RNF180: variants seen among roughly 807,000 people sequenced by gnomAD.
RNF180 encodes E3 ubiquitin-protein ligase RNF180.
In RNF180, 38 loss-of-function variants were observed where a neutral mutation model predicts 59.2. That is an observed-to-expected ratio of 0.64 (90% CI 0.50 to 0.84). RNF180 has a LOEUF of 0.84. Ranked by LOEUF, RNF180 falls within the 40% of genes least tolerant of loss-of-function variation. The probability of loss-of-function intolerance (pLI) is 0.00; values close to 1 mark genes in which losing one functional copy is unlikely to be tolerated. For missense variants in RNF180, 705 were observed against 700.9 expected (o/e 1.01, Z -0.07); for synonymous variants, 262 against 240.3 (o/e 1.09, Z -0.84).
intron 5 of RNF180, among the ~76,000 whole-genome samples, chr5:64,293,667 C>T (rs987394870): frequency 5.9e-5 from 9 of 151,590 alleles, no homozygotes; most frequent in South Asian, 2.1e-4. Flanking sequence ...TTAAAATATT[C>T]GCAATGTATT....
chr5:64,306,948 C>T (rs1743498832), intron 5 of RNF180, among the ~76,000 whole-genome samples: 1 of 148,904 alleles, frequency 6.7e-6, no homozygotes, highest in Admixed American at 6.7e-5. Context: ...ATGTTGTGCA[C>T]ATGTACCCTA....
At chr5:64,175,879 G>T (rs1179713496) in intron 1 of RNF180, among the ~76,000 whole-genome samples, 1 of 152,112 alleles carries the variant, frequency 6.6e-6, no homozygotes, top group East Asian at 1.9e-4. Flanking sequence ...AAATGAGATT[G>T]CATTCTTGGT....
chr5:64,200,350 G>A (rs1177668710), intron 1 of RNF180, among the ~76,000 whole-genome samples: 3 of 152,170 alleles, frequency 2.0e-5, no homozygotes, highest in Admixed American at 1.3e-4. Flanking sequence ...TGGTACTCAG[G>A]AGACTGAGGC....
At chr5:64,333,271 G>A (rs972459014) in intron 7 of RNF180, among the ~76,000 whole-genome samples, 1 of 152,118 alleles carries the variant, frequency 6.6e-6, no homozygotes, top group African/African-American at 2.4e-5. Context: ...TCTGCCTCCT[G>A]GGTTCAAGCA....
At chr5:64,356,228 C>T (rs2112594064) in intron 7 of RNF180, among the ~76,000 whole-genome samples, 1 of 151,552 alleles carries the variant, frequency 6.6e-6, no homozygotes, top group Middle Eastern at 3.4e-3. Flanking sequence ...TGCCACTGCA[C>T]TACAGCCTGG....
chr5:64,199,071 G>C (rs184791161), intron 1 of RNF180, among the ~76,000 whole-genome samples: 1 of 152,182 alleles, frequency 6.6e-6, no homozygotes, highest in South Asian at 2.1e-4. Context: ...ACCCGCCTTG[G>C]CCTCCCAGAG....
intron 5 of RNF180, among the ~76,000 whole-genome samples, chr5:64,316,033 T>G (rs1744025713): frequency 6.6e-6 from 1 of 152,144 alleles, no homozygotes; most frequent in Non-Finnish European, 1.5e-5. Flanking sequence ...TCAGTACAAT[T>G]GCCAACACAG....
intron 1 of RNF180, among the ~76,000 whole-genome samples, chr5:64,192,940 A>ATATATATATATAT (rs1561179048): frequency 3.9e-4 from 27 of 69,992 alleles, no homozygotes; most frequent in African/African-American, 1.4e-3. Context: ...TATATATATA[A>ATATATATATATAT]AATGAAACAT....
intron 1 of RNF180, among the ~76,000 whole-genome samples, chr5:64,182,438 A>G (rs1226434660): frequency 2.0e-5 from 3 of 152,210 alleles, no homozygotes; most frequent in Non-Finnish European, 4.4e-5. Context: ...GAATGTAGGA[A>G]ACATTAGTGT....
intron 1 of RNF180, among the ~76,000 whole-genome samples, chr5:64,190,765 G>T (rs1466115045): frequency 6.6e-6 from 1 of 152,186 alleles, no homozygotes; most frequent in African/African-American, 2.4e-5. Context: ...GAAAGGCCAT[G>T]TGAGGACACA....
chr5:64,195,576 A>T (rs1751414965), intron 1 of RNF180, among the ~76,000 whole-genome samples: 1 of 152,196 alleles, frequency 6.6e-6, no homozygotes, highest in Non-Finnish European at 1.5e-5. Context: ...TAATGAAACC[A>T]ATTTTACCAT....
intron 5 of RNF180, among the ~76,000 whole-genome samples, chr5:64,300,794 A>C (rs1743124380): frequency 6.6e-6 from 1 of 151,754 alleles, no homozygotes; most frequent in Non-Finnish European, 1.5e-5. Flanking sequence ...GTTGAGGATC[A>C]TTTTATTCTC....
At chr5:64,345,794 A>G (rs1165811653) in intron 7 of RNF180, among the ~76,000 whole-genome samples, 1 of 152,160 alleles carries the variant, frequency 6.6e-6, no homozygotes, top group African/African-American at 2.4e-5. Context: ...ACCTACTATT[A>G]TGTCTGAGCC....
At chr5:64,240,535 C>T (rs1305263817) in intron 5 of RNF180, among the ~76,000 whole-genome samples, 1 of 152,186 alleles carries the variant, frequency 6.6e-6, no homozygotes, top group Non-Finnish European at 1.5e-5. Flanking sequence ...TTGGTTTTAG[C>T]TTCACAGTGG....
chr5:64,325,987 G>T lies in RNF180; in HGVS notation c.1453+576G>T, dbSNP rs554071963. On this transcript the variant is annotated intron_variant, in intron 6 of 7. Transcript: ENST00000389100. ...AAAATATTAATGAAGAGATAATAAT[G>T]AATGTGGAACATAGAGAATGACTAA... Among the ~76,000 whole-genome samples the T allele has an allele frequency of 1.4e-4, 21 of 152,230 alleles. No individual in the cohort carries two copies. In the South Asian group the frequency reaches 2.1e-3, roughly 15 times the overall value.
chr5:64,234,423 G>A lies in RNF180; in HGVS notation c.1227+17027G>A, dbSNP rs893860852. ...AGAGGCTGCAGTGAGCCAAGATCGC[G>A]CCAGTGCACTCCAGCATGGGCAAAA... On this transcript the variant is annotated intron_variant, in intron 5 of 7. Transcript: ENST00000389100. Among the ~76,000 whole-genome samples the A allele has an allele frequency of 6.6e-5, 10 of 151,732 alleles. No individual in the cohort carries two copies. In the East Asian group the frequency reaches 7.9e-4, roughly 12 times the overall value.
At chr5:64,197,600 ATCTTT>A (rs977423071) in intron 1 of RNF180, among the ~76,000 whole-genome samples, 2 of 152,192 alleles carry the variant, frequency 1.3e-5, no homozygotes, top group African/African-American at 4.8e-5. Flanking sequence ...ATTGTATTAA[ATCTTT>A]TCTTTTAAGT....
At chr5:64,235,850 C>T (rs1255566614) in intron 5 of RNF180, among the ~76,000 whole-genome samples, 4 of 152,158 alleles carry the variant, frequency 2.6e-5, no homozygotes, top group Non-Finnish European at 5.9e-5. Flanking sequence ...TGCCTTACTT[C>T]CCCTTTACCT....
chr5:64,285,386 C>A (rs1742226604), intron 5 of RNF180, among the ~76,000 whole-genome samples: 1 of 152,150 alleles, frequency 6.6e-6, no homozygotes, highest in Non-Finnish European at 1.5e-5. Context: ...TTGGCAGCAT[C>A]CTTGCACAGA....
Sources: gnomAD v4.1 joint callset for allele counts (sites outside exome capture counted in the v4.1 genomes callset) on GRCh38, gnomAD v4.1.1 for gene constraint, MANE v1.5 for transcripts, NCBI Gene and HGNC (gene_info 2026-07-23, HGNC 2026-07-21) for gene names.